B3GAT2: variants seen among roughly 807,000 people sequenced by gnomAD.
B3GAT2 encodes galactosylgalactosylxylosylprotein 3-beta-glucuronosyltransferase 2.
In B3GAT2, 26 loss-of-function variants were observed where a neutral mutation model predicts 27.8. That is an observed-to-expected ratio of 0.93 (90% CI 0.68 to 1.30). The LOEUF (loss-of-function observed/expected upper bound fraction) is 1.30, where lower values mean the gene tolerates loss of function less well. Among genes scored for constraint, B3GAT2 ranks in the 50% most tolerant of loss-of-function variants. The pLI, the probability that B3GAT2 is intolerant of heterozygous loss-of-function variation, is 0.00. For missense variants in B3GAT2, 458 were observed against 459.0 expected, an observed-to-expected ratio of 1.00 and a Z score of 0.02; for synonymous variants, 218 against 195.1, an observed-to-expected ratio of 1.12 and a Z score of -0.98.
chr6:70,900,233 TACAAAGGA>T (rs1772474434), intron 1 of B3GAT2, among the ~76,000 whole-genome samples: 1 of 152,186 alleles, frequency 6.6e-6, no homozygotes, highest in Non-Finnish European at 1.5e-5. Flanking sequence ...ACCCAATGGC[TACAAAGGA>T]CACACAAGAT....
At position 70,858,285 on chromosome 6, in the gene B3GAT2, ATCTT is replaced by A. The variant is rs1771525378; in HGVS notation, c.*3374_*3377del. On this transcript the variant is annotated 3_prime_UTR_variant, in exon 4 of 4. Coordinates refer to ENST00000230053, the MANE Select transcript of B3GAT2 (RefSeq NM_080742.3). ...AAATCAAACCAGATTTATTTTCTAAATCTTTTTTTTTTTTTTTTTTTTTTTTTTT... is the reference window on the plus strand; with the variant it reads ...AAATCAAACCAGATTTATTTTCTAAATTTTTTTTTTTTTTTTTTTTTTTTT... 2.1e-4 allele frequency: 209 copies of A among 1,019,274 alleles called. No individual in the cohort carries two copies. Among genetic ancestry groups the A allele is most frequent in the Middle Eastern group, 3.4e-4 (1 of 2,922 alleles). The allele number at this position is 1,019,274 out of a possible 1,614,324, so 63.1% of individuals were successfully genotyped here. A position where few individuals can be genotyped will look rare whatever the true frequency, so the allele number is the denominator to read the frequency against.
chr6:70,916,140 G>C (rs1037662582), intron 1 of B3GAT2, among the ~76,000 whole-genome samples: 1 of 151,740 alleles, frequency 6.6e-6, no homozygotes, highest in African/African-American at 2.4e-5. Flanking sequence ...GGATTCCTAG[G>C]TATTTTATTC....
At chr6:70,904,148 TATA>T (rs1772556972) in intron 1 of B3GAT2, among the ~76,000 whole-genome samples, 4 of 152,166 alleles carry the variant, frequency 2.6e-5, no homozygotes, top group African/African-American at 9.7e-5. Context: ...AAAGGCCTCA[TATA>T]GTGTTATTCC....
intron 3 of B3GAT2, 22 bp from the exon 4 acceptor site, chr6:70,861,771 T>C (rs1041727008): frequency 1.2e-6 from 2 of 1,613,872 alleles, no homozygotes; most frequent in African/African-American, 2.7e-5. Context: ...GGAAATAGCT[T>C]GGGTAGCGCA....
chr6:70,918,377 G>C (rs879735990), intron 1 of B3GAT2, among the ~76,000 whole-genome samples: 7 of 152,076 alleles, frequency 4.6e-5, no homozygotes, highest in Non-Finnish European at 8.8e-5. Context: ...TTTAATTGGG[G>C]CATTTAGCCC....
At chr6:70,895,901 T>C (rs1000902674) in intron 1 of B3GAT2, among the ~76,000 whole-genome samples, 1 of 152,066 alleles carries the variant, frequency 6.6e-6, no homozygotes, top group Admixed American at 6.5e-5. Flanking sequence ...TGAGACTTTA[T>C]CTAAAGCCTT....
Position 70,857,098 on chromosome 6 carries a change from G to A in B3GAT2, c.*4565C>T. The stretch of plus-strand genomic sequence containing the variant: ...TACATCCTTTGTAATTATATAATAA[G>A]ATCAATTATATATCTTTTATTGTTC... On this transcript the variant is annotated 3_prime_UTR_variant, in exon 4 of 4. Transcript: ENST00000230053. The A allele has an allele frequency of 7.2e-7, 1 of 1,381,314 alleles. No individual in the cohort carries two copies. Among genetic ancestry groups the A allele is most frequent in the Middle Eastern group, 2.5e-4 (1 of 4,046 alleles). The allele number at this position is 1,381,314 out of a possible 1,614,324, so 85.6% of individuals were successfully genotyped here.
chr6:70,940,050 C>T (rs1208701033), intron 1 of B3GAT2, among the ~76,000 whole-genome samples: 1 of 151,956 alleles, frequency 6.6e-6, no homozygotes, highest in Non-Finnish European at 1.5e-5. Context: ...TTGCCAGAAA[C>T]TGAAATGGAG....
intron 2 of B3GAT2, among the ~76,000 whole-genome samples, chr6:70,862,419 C>T (rs1181478173): frequency 6.6e-6 from 1 of 152,114 alleles, no homozygotes; most frequent in Non-Finnish European, 1.5e-5. Context: ...ATGTATGCTT[C>T]CTTAAATCCA....
intron 1 of B3GAT2, among the ~76,000 whole-genome samples, chr6:70,955,456 C>A (rs996942736): frequency 6.9e-6 from 1 of 145,062 alleles, no homozygotes; most frequent in African/African-American, 2.5e-5. Context: ...GGTGCAGGTC[C>A]CTCCCTGATC....
chr6:70,861,994 A>T lies in B3GAT2; in HGVS notation c.737-16T>A, dbSNP rs776396014. The stretch of plus-strand genomic sequence containing the variant: ...ACAGCAAATCCTTTGTGAAAAATAA[A>T]AAAAAAAAAGAGACTTTAAAATCCT... On this transcript the variant is annotated splice_polypyrimidine_tract_variant and intron_variant, in intron 2 of 3. Coordinates refer to ENST00000230053, the MANE Select transcript of B3GAT2 (RefSeq NM_080742.3). 5.5e-5 allele frequency: 86 copies of T among 1,564,254 alleles called. 2 individuals are homozygous for T. In the South Asian group the frequency reaches 9.1e-4, roughly 17 times the overall value.
chr6:70,901,852 G>A (rs1220687218), intron 1 of B3GAT2, among the ~76,000 whole-genome samples: 1 of 152,122 alleles, frequency 6.6e-6, no homozygotes, highest in Non-Finnish European at 1.5e-5. Flanking sequence ...TGAAAACAGG[G>A]AATGTTCCTA....
intron 1 of B3GAT2, among the ~76,000 whole-genome samples, chr6:70,905,313 A>C (rs574397471): frequency 6.6e-6 from 1 of 152,214 alleles, no homozygotes; most frequent in Non-Finnish European, 1.5e-5. Flanking sequence ...TTCCTTCTGG[A>C]AAAGTCAAAT....
intron 2 of B3GAT2, among the ~76,000 whole-genome samples, chr6:70,875,914 G>C: frequency 6.6e-6 from 1 of 152,084 alleles, no homozygotes; most frequent in Non-Finnish European, 1.5e-5. Flanking sequence ...ATCTTCTAAG[G>C]AAACAATCAG....
chr6:70,901,590 C>T (rs1263068926), intron 1 of B3GAT2, among the ~76,000 whole-genome samples: 3 of 152,194 alleles, frequency 2.0e-5, no homozygotes, highest in Non-Finnish European at 4.4e-5. Context: ...GTACATTTGA[C>T]ATGATGTTAT....
chr6:70,923,674 T>C (rs985462585), intron 1 of B3GAT2, among the ~76,000 whole-genome samples: 1 of 152,068 alleles, frequency 6.6e-6, no homozygotes, highest in African/African-American at 2.4e-5. Context: ...AATCAATCAA[T>C]CAATAATAAA....
At position 70,956,841 on chromosome 6, in the gene B3GAT2, G is replaced by A. The variant is rs913256804; in HGVS notation, c.-412C>T. 8.6e-5 allele frequency: 91 copies of A among 1,055,886 alleles called. No individual in the cohort carries two copies. Among genetic ancestry groups the A allele is most frequent in the Middle Eastern group, 4.5e-4 (1 of 2,236 alleles). The allele number at this position is 1,055,886 out of a possible 1,614,324, so 65.4% of individuals were successfully genotyped here. On this transcript the variant is annotated 5_prime_UTR_variant, in exon 1 of 4. Transcript: ENST00000230053. ...CCGCTCCAGTCCGGCGGTGCTGCGG[G>A]CACAAGGGCTCCAGCCGCGGGCCCC...
At chr6:70,897,499 G>A (rs1363021835) in intron 1 of B3GAT2, among the ~76,000 whole-genome samples, 8 of 151,714 alleles carry the variant, frequency 5.3e-5, no homozygotes. Flanking sequence ...CACACTTTGG[G>A]AGGTCGAGGT....
intron 1 of B3GAT2, among the ~76,000 whole-genome samples, chr6:70,920,509 T>C (rs934524480): frequency 1.3e-5 from 2 of 152,070 alleles, no homozygotes; most frequent in African/African-American, 2.4e-5. Context: ...TGCATTGATC[T>C]TGCTGGGAGC....
Sources: allele counts gnomAD v4.1 joint callset (sites outside exome capture counted in the v4.1 genomes callset), GRCh38; gene constraint gnomAD v4.1.1; transcripts MANE v1.5; gene names NCBI Gene and HGNC (gene_info 2026-07-23, HGNC 2026-07-21).